The following KIAA1671 variants were observed in gnomAD, a reference collection of about 807,000 sequenced individuals.
KIAA1671 encodes the protein KIAA1671.
A neutral mutation model predicts 131.2 loss-of-function variants in KIAA1671; 52 were observed. The ratio of observed to expected loss-of-function variants is 0.40; its 90% CI spans 0.32 to 0.50. KIAA1671 has a LOEUF of 0.50. Ranked by LOEUF, KIAA1671 falls within the 20% of genes least tolerant of loss-of-function variation. KIAA1671 has a pLI of 0.73. For synonymous variants in KIAA1671, 1,003 were observed against 961.6 expected (o/e 1.04, Z -0.80); for missense variants, 2,360 against 2,364.2 (o/e 1.00, Z 0.04).
At chr22:24,997,324 G>C (rs185731087) in intron 1 of KIAA1671, among the ~76,000 whole-genome samples, 207 of 152,258 alleles carry the variant, frequency 1.4e-3, no homozygotes, top group African/African-American at 4.9e-3. Flanking sequence ...TAGCTCTCAC[G>C]AGTACTGATG....
At chr22:25,046,864 C>T (rs1927265290) in intron 5 of KIAA1671, among the ~76,000 whole-genome samples, 1 of 152,108 alleles carries the variant, frequency 6.6e-6, no homozygotes, top group Admixed American at 6.5e-5. Flanking sequence ...GGGGTAGGAC[C>T]TGCCTTTGTT....
At chr22:25,151,435 T>C (rs900243461) in intron 6 of KIAA1671, among the ~76,000 whole-genome samples, 16 of 144,184 alleles carry the variant, frequency 1.1e-4, no homozygotes, top group African/African-American at 3.0e-4. Context: ...AACTCTTTTT[T>C]TTTTTTTTTT....
chr22:25,178,042 T>C (rs1934103368), intron 9 of KIAA1671, among the ~76,000 whole-genome samples: 1 of 152,212 alleles, frequency 6.6e-6, no homozygotes, highest in African/African-American at 2.4e-5. Flanking sequence ...GCCCTGGCTC[T>C]GGGTCCTAAG....
chr22:25,029,731 G>C (rs1026831599), intron 3 of KIAA1671, among the ~76,000 whole-genome samples, 191 bp downstream of exon 3: 1 of 152,250 alleles, frequency 6.6e-6, no homozygotes, highest in African/African-American at 2.4e-5. Context: ...CTCTCCTCTG[G>C]GTATGGCCAG....
intron 6 of KIAA1671, among the ~76,000 whole-genome samples, chr22:25,091,112 C>G (rs779170181): frequency 6.6e-6 from 1 of 152,090 alleles, no homozygotes; most frequent in Non-Finnish European, 1.5e-5. Flanking sequence ...GGCTGGAGTA[C>G]AGTGGCGTGA....
chr22:25,109,401 C>T (rs1009586590), intron 6 of KIAA1671, among the ~76,000 whole-genome samples: 5 of 152,244 alleles, frequency 3.3e-5, no homozygotes, highest in African/African-American at 9.6e-5. Flanking sequence ...AGCCGCCGCA[C>T]CTGGCCCATC....
chr22:24,986,678 C>CCCATCCACCCACCCATCCATCCAT, intron 1 of KIAA1671, among the ~76,000 whole-genome samples: 1 of 132,402 alleles, frequency 7.6e-6, no homozygotes, highest in African/African-American at 2.8e-5. Context: ...CACCCATCCA[C>CCCATCCACCCACCCATCCATCCAT]CCATCCACCC....
intron 6 of KIAA1671, among the ~76,000 whole-genome samples, chr22:25,118,218 T>C (rs984965150): frequency 2.0e-5 from 3 of 151,722 alleles, no homozygotes; most frequent in Admixed American, 1.3e-4. Flanking sequence ...TTCTCACCTC[T>C]TCCAGCTTCT....
chr22:25,114,125 G>A (rs909999345), intron 6 of KIAA1671, among the ~76,000 whole-genome samples: 1 of 152,172 alleles, frequency 6.6e-6, no homozygotes, highest in Non-Finnish European at 1.5e-5. Context: ...GAACCATTCC[G>A]TGTTGCGTCG....
In KIAA1671 at chr22:25,000,397, T is replaced by C. The variant is rs1451929084; in HGVS notation, c.-207-25236T>C. ...TTTAGTAGAGACGGGGTTTCACCGT[T>C]TTAGCCGGGATGGTCTCGATCTCCT... On this transcript the variant is annotated intron_variant, in intron 1 of 12. Transcript: ENST00000358431. 2.2e-5 allele frequency among the ~76,000 whole-genome samples: 2 copies of C among 88,968 alleles called. 1 individual carries two copies. The highest frequency in any genetic ancestry group is 4.7e-5 in the Non-Finnish European group (2 of 42,914). 58.4% of individuals were successfully genotyped at this position (88,968 alleles called of 152,430 possible). A position where few individuals can be genotyped will look rare whatever the true frequency, so the allele number is the denominator to read the frequency against.
At chr22:25,049,435 T>C (rs2145819889) in intron 6 of KIAA1671, 71 bp downstream of exon 6, 2 of 1,506,704 alleles carry the variant, frequency 1.3e-6, no homozygotes, top group Non-Finnish European at 1.8e-6. Flanking sequence ...GTGAATGTGG[T>C]TGGTGGAGCA....
chr22:25,183,094 T>G (rs987902174), intron 10 of KIAA1671, among the ~76,000 whole-genome samples: 1 of 152,202 alleles, frequency 6.6e-6, no homozygotes, highest in Non-Finnish European at 1.5e-5. Context: ...CATCATGTGC[T>G]TGCAAACTCA....
chr22:25,115,104 G>T (rs1314097435), intron 6 of KIAA1671, among the ~76,000 whole-genome samples: 2 of 152,194 alleles, frequency 1.3e-5, no homozygotes, highest in Non-Finnish European at 2.9e-5. Flanking sequence ...GATAAAAGGG[G>T]GAAAGAGGGA....
At position 25,028,234 on chromosome 22, in the gene KIAA1671, TCTC is replaced by T. The variant is rs1288146941; in HGVS notation, c.238_240del (p.Pro80del). On this transcript the variant is annotated inframe_deletion, in exon 3 of 13. Transcript: ENST00000358431. ...CTTCTCGAAGGAGCAGGACGTGAAATCTCCTGTCCCGTCTCTGCGGCCCAGTTC... is the reference window on the plus strand; with the variant it reads ...CTTCTCGAAGGAGCAGGACGTGAAATCTGTCCCGTCTCTGCGGCCCAGTTC... 6.4e-7 allele frequency: 1 copy of T among 1,551,494 alleles called. No individual in the cohort carries two copies. The highest frequency in any genetic ancestry group is 1.4e-5 in the African/African-American group (1 of 73,134).
intron 6 of KIAA1671, among the ~76,000 whole-genome samples, chr22:25,118,138 CA>C (rs56262467): frequency 0.08 from 9,357 of 117,358 alleles, 366 homozygotes; most frequent in East Asian, 0.26. Context: ...AACTCTGTCT[CA>C]AAAAAAAAAA....
chr22:25,092,112 T>C (rs1930055068), intron 6 of KIAA1671, among the ~76,000 whole-genome samples: 1 of 152,068 alleles, frequency 6.6e-6, no homozygotes, highest in Non-Finnish European at 1.5e-5. Context: ...CCTGGCTGAG[T>C]GTGTGTTCTA....
intron 5 of KIAA1671, chr22:25,048,885 T>G (rs954381829): frequency 4.3e-4 from 81 of 186,728 alleles, no homozygotes; most frequent in Non-Finnish European, 6.1e-4. Flanking sequence ...TGTGCACGTC[T>G]GCCCCCTGGT....
At chr22:25,053,857 T>C (rs1927685548) in intron 6 of KIAA1671, 1 of 151,930 alleles carries the variant, frequency 6.6e-6, no homozygotes, top group African/African-American at 2.4e-5. Flanking sequence ...TGCTGGGCAG[T>C]GGGCTACAGT....
chr22:25,174,567 G>A, intron 8 of KIAA1671, 78 bp downstream of exon 8: 2 of 1,441,316 alleles, frequency 1.4e-6, no homozygotes, highest in Non-Finnish European at 1.8e-6. Context: ...TCAGGTGTAG[G>A]ATCTGTGTGC....
Sources: allele counts gnomAD v4.1 joint callset (sites outside exome capture counted in the v4.1 genomes callset), GRCh38; gene constraint gnomAD v4.1.1; transcripts MANE v1.5; gene names NCBI Gene and HGNC (gene_info 2026-07-23, HGNC 2026-07-21).